The following TMEM63C variants were observed in gnomAD, a reference collection of about 807,000 sequenced individuals.
TMEM63C encodes osmosensitive cation channel TMEM63C.
TMEM63C carries 32 observed loss-of-function variants against 99.2 expected under a neutral mutation model. The observed-to-expected ratio is 0.32, with a 90% CI of 0.24 to 0.43. The LOEUF (loss-of-function observed/expected upper bound fraction) is 0.43. TMEM63C is among the 20% of genes least tolerant of loss of function. The pLI, the probability that TMEM63C is intolerant of heterozygous loss-of-function variation, is 1.00. For synonymous variants in TMEM63C, 376 were observed against 397.9 expected, an observed-to-expected ratio of 0.94 and a Z score of 0.66; for missense variants, 826 against 1,053.0, an observed-to-expected ratio of 0.78 and a Z score of 2.98.
intron 15 of TMEM63C, 21 bp from the exon 16 acceptor site, chr14:77,244,328 T>G: frequency 6.4e-7 from 1 of 1,565,852 alleles, no homozygotes; most frequent in Non-Finnish European, 8.8e-7. Flanking sequence ...TCTCCTGCCG[T>G]CCTCCCCTCT....
chr14:77,205,272 A>G (rs1487162905), intron 1 of TMEM63C, among the ~76,000 whole-genome samples: 1 of 152,220 alleles, frequency 6.6e-6, no homozygotes, highest in African/African-American at 2.4e-5. Context: ...GAGCGAAGAA[A>G]GCCCTTCTAG....
chr14:77,225,620 G>C (rs1450057041), intron 6 of TMEM63C, among the ~76,000 whole-genome samples, 159 bp downstream of exon 6: 2 of 152,182 alleles, frequency 1.3e-5, no homozygotes, highest in Non-Finnish European at 2.9e-5. Flanking sequence ...ATGCTTTCCT[G>C]GGGTACAGTT....
chr14:77,194,833 C>T (rs1011585234), intron 1 of TMEM63C, among the ~76,000 whole-genome samples: 3 of 151,870 alleles, frequency 2.0e-5, no homozygotes, highest in South Asian at 2.1e-4. Flanking sequence ...CCTCCCACCT[C>T]GGCCTCCCAA....
chr14:77,220,745 G>A (rs1594857962), intron 5 of TMEM63C, among the ~76,000 whole-genome samples: 3 of 151,724 alleles, frequency 2.0e-5, no homozygotes, highest in South Asian at 2.1e-4. Context: ...GTGACATTTC[G>A]GCGGGGCCCT....
chr14:77,187,406 G>T (rs1888021208), intron 1 of TMEM63C, among the ~76,000 whole-genome samples: 1 of 152,254 alleles, frequency 6.6e-6, no homozygotes, highest in African/African-American at 2.4e-5. Context: ...CACGGGAGCA[G>T]GGAAGGTAGA....
intron 1 of TMEM63C, 34 bp downstream of exon 1, chr14:77,181,928 G>A (rs1887921011): frequency 6.6e-6 from 1 of 152,364 alleles, no homozygotes; most frequent in East Asian, 1.9e-4. Flanking sequence ...CGGTGACCGG[G>A]GCTGGTCGGG....
intron 8 of TMEM63C, among the ~76,000 whole-genome samples, chr14:77,234,443 AC>A (rs1342371312): frequency 6.6e-6 from 1 of 152,158 alleles, no homozygotes; most frequent in Non-Finnish European, 1.5e-5. Flanking sequence ...GGCCCGAGGT[AC>A]CTACATCTTC....
At chr14:77,246,760 A>G in intron 18 of TMEM63C, 86 bp downstream of exon 18, 2 of 1,145,194 alleles carry the variant, frequency 1.7e-6, no homozygotes, top group Non-Finnish European at 2.5e-6. Flanking sequence ...CAGCACCTGA[A>G]TTTGCTCACA....
In TMEM63C at chr14:77,242,988, A is replaced by G. The variant is rs1566629909; in HGVS notation, c.1273A>G (p.Thr425Ala). Residue 425 changes from threonine to alanine, a missense_variant, in exon 15 of 24, where the codon ACC becomes GCC. By Grantham distance (58) the Thr-to-Ala change is moderately conservative. Transcript: ENST00000298351. ...CCTCTTCTTCCTCTTCTTCTTTCTC[A>G]CCACGCCTGCCATCATCATGAACAC... The part of the protein sequence containing the change: ...TFLFFLFFFL[T>A]TPAIIMNTID... 1 of 1,613,384 alleles carries G rather than the reference A, an allele frequency of 6.2e-7. No homozygotes were observed. The highest frequency in any genetic ancestry group is 8.5e-7 in the Non-Finnish European group (1 of 1,179,814).
intron 5 of TMEM63C, among the ~76,000 whole-genome samples, chr14:77,225,046 C>G (rs985505457): frequency 6.6e-6 from 1 of 152,114 alleles, no homozygotes; most frequent in Non-Finnish European, 1.5e-5. Flanking sequence ...AACTCCCACT[C>G]GGACAGAGTA....
At chr14:77,216,145 A>AGAGC (rs1555347288) in intron 2 of TMEM63C, among the ~76,000 whole-genome samples, 32 of 150,826 alleles carry the variant, frequency 2.1e-4, no homozygotes, top group African/African-American at 7.3e-4. Context: ...AGAGAGAGAG[A>AGAGC]GCAACCATGG....
chr14:77,242,012 G>A (rs895121224), intron 13 of TMEM63C, among the ~76,000 whole-genome samples: 1 of 152,254 alleles, frequency 6.6e-6, no homozygotes, highest in Non-Finnish European at 1.5e-5. Context: ...GAGGCTAAAA[G>A]TAGTACCTCC....
chr14:77,219,700 C>T, intron 4 of TMEM63C, 123 bp downstream of exon 4: 3 of 1,014,554 alleles, frequency 3.0e-6, no homozygotes, highest in Non-Finnish European at 4.6e-6. Context: ...GTGGCCTCTG[C>T]CCCTGCTCTG....
intron 2 of TMEM63C, 123 bp from the exon 3 acceptor site, chr14:77,218,678 T>A (rs940980567): frequency 6.6e-6 from 6 of 914,392 alleles, no homozygotes; most frequent in Non-Finnish European, 9.9e-6. Context: ...CTGTCTTGGG[T>A]CTGAAGTGGC....
chr14:77,223,123 G>A (rs1888755561), intron 5 of TMEM63C, among the ~76,000 whole-genome samples: 1 of 152,174 alleles, frequency 6.6e-6, no homozygotes, highest in African/African-American at 2.4e-5. Flanking sequence ...ATCTCTTGAA[G>A]GCTTCCTGGA....
At chr14:77,225,876 G>A (rs898326703) in intron 6 of TMEM63C, among the ~76,000 whole-genome samples, 3 of 151,912 alleles carry the variant, frequency 2.0e-5, no homozygotes, top group South Asian at 2.1e-4. Context: ...GGCCTCGCTC[G>A]GCCTCAGTGC....
chr14:77,242,123 G>A (rs928686163), intron 13 of TMEM63C, among the ~76,000 whole-genome samples: 5 of 152,212 alleles, frequency 3.3e-5, no homozygotes, highest in African/African-American at 1.2e-4. Flanking sequence ...TGCCTGGGCA[G>A]TCTAGGCACC....
rs545088167 is a variant in TMEM63C at position 77,256,448 on chromosome 14, G to C, written c.2221-78G>C. On this transcript the variant is annotated intron_variant, in intron 23 of 23. Transcript: ENST00000298351. ...AGGAGACAGAGGCGATGGGGGTGGG[G>C]CATGAGGGGAGAGGGTGTGCCCAGG... The C allele has an allele frequency of 2.3e-4, 333 of 1,417,996 alleles. 2 individuals are homozygous for C. The South Asian group carries it at 3.3e-3, about 14-fold the overall frequency. 87.8% of individuals were successfully genotyped at this position (1,417,996 alleles called of 1,614,324 possible).
At chr14:77,222,906 T>G (rs946020066) in intron 5 of TMEM63C, among the ~76,000 whole-genome samples, 4 of 152,260 alleles carry the variant, frequency 2.6e-5, no homozygotes, top group Non-Finnish European at 1.5e-5. Flanking sequence ...GTGTGTCTGC[T>G]TTCCGCAGGC....
Sources: gnomAD v4.1 joint callset for allele counts (sites outside exome capture counted in the v4.1 genomes callset) on GRCh38, gnomAD v4.1.1 for gene constraint, MANE v1.5 for transcripts, NCBI Gene and HGNC (gene_info 2026-07-23, HGNC 2026-07-21) for gene names.